PDZRN4: variants seen among roughly 807,000 people sequenced by gnomAD.
PDZRN4 encodes the protein PDZ domain containing ring finger 4.
In PDZRN4, 70 loss-of-function variants were observed where a neutral mutation model predicts 99.0. That is an observed-to-expected ratio of 0.71 (90% CI 0.58 to 0.86). PDZRN4 has a LOEUF of 0.86. Ranked by LOEUF, PDZRN4 falls within the 40% of genes least tolerant of loss-of-function variation. The probability of loss-of-function intolerance (pLI) is 0.00; values close to 1 mark genes in which losing one functional copy is unlikely to be tolerated. For synonymous variants in PDZRN4, 551 were observed against 501.6 expected, an observed-to-expected ratio of 1.10 and a Z score of -1.32; for missense variants, 1,474 against 1,331.2, an observed-to-expected ratio of 1.11 and a Z score of -1.67.
intron 3 of PDZRN4, among the ~76,000 whole-genome samples, chr12:41,264,765 T>C (rs1951265253): frequency 6.6e-6 from 1 of 152,208 alleles, no homozygotes; most frequent in Admixed American, 6.5e-5. Flanking sequence ...AATTGTATTG[T>C]AGAAAACCTT....
intron 3 of PDZRN4, among the ~76,000 whole-genome samples, chr12:41,256,582 T>A (rs1432549044): frequency 6.6e-6 from 1 of 152,218 alleles, no homozygotes; most frequent in Non-Finnish European, 1.5e-5. Flanking sequence ...CTTTTAGGGC[T>A]TCCAGAACTG....
At chr12:41,190,397 A>T (rs1218315888) in intron 1 of PDZRN4, among the ~76,000 whole-genome samples, 1 of 152,242 alleles carries the variant, frequency 6.6e-6, no homozygotes, top group African/African-American at 2.4e-5. Context: ...AAAAGCACAG[A>T]TAGAAGCTTT....
rs10522706 is a variant in PDZRN4 at position 41,360,939 on chromosome 12, A to AGTGTGT, written c.844-145484_844-145479dup. On this transcript the variant is annotated intron_variant, in intron 3 of 9. Transcript: ENST00000402685. Reference sequence around the variant, plus strand: ...ATTTATCATTCCAAAGAATAAGTAAAGTGTGTGTGTGTGTGTGTGTGTGTG... The same window carrying AGTGTGT: ...ATTTATCATTCCAAAGAATAAGTAAAGTGTGTGTGTGTGTGTGTGTGTGTGTGTGTG... 6.7e-3 allele frequency among the ~76,000 whole-genome samples: 1,015 copies of AGTGTGT among 150,492 alleles called. 8 individuals are homozygous for AGTGTGT. The highest frequency in any genetic ancestry group is 0.01 in the Middle Eastern group (3 of 292).
intron 5 of PDZRN4, among the ~76,000 whole-genome samples, chr12:41,534,416 G>T (rs1938714897): frequency 1.3e-5 from 2 of 152,108 alleles, no homozygotes. Context: ...GGATGGATTA[G>T]CTATTTTTCC....
At chr12:41,235,675 G>T (rs1035387375) in intron 3 of PDZRN4, among the ~76,000 whole-genome samples, 7 of 152,104 alleles carry the variant, frequency 4.6e-5, no homozygotes, top group African/African-American at 1.7e-4. Flanking sequence ...TTTAAATGCT[G>T]GTTTGAAAAT....
intron 3 of PDZRN4, among the ~76,000 whole-genome samples, chr12:41,258,213 A>G (rs993300774): frequency 2.6e-5 from 4 of 152,174 alleles, no homozygotes; most frequent in African/African-American, 4.8e-5. Flanking sequence ...TGTGTTGTAA[A>G]TTGTAAATTT....
intron 3 of PDZRN4, among the ~76,000 whole-genome samples, chr12:41,399,602 G>A (rs895820247): frequency 6.6e-6 from 1 of 152,152 alleles, no homozygotes; most frequent in South Asian, 2.1e-4. Flanking sequence ...TAGGCATGGT[G>A]GTGGGTGCCT....
rs573152690 is a variant in PDZRN4 at position 41,405,498 on chromosome 12, A to G, written c.844-100958A>G. ...AACGAAATGCTTACACACTACTGGTATGAATGTAAATCAGTTCAGCCACTG... is the reference window on the plus strand; with the variant it reads ...AACGAAATGCTTACACACTACTGGTGTGAATGTAAATCAGTTCAGCCACTG... On this transcript the variant is annotated intron_variant, in intron 3 of 9. Coordinates refer to ENST00000402685, the MANE Select transcript of PDZRN4 (RefSeq NM_001164595.2). Among the ~76,000 whole-genome samples the G allele has an allele frequency of 9.8e-5, 15 of 152,290 alleles. No individual in the cohort carries two copies. In the South Asian group the frequency reaches 3.1e-3, roughly 32 times the overall value.
intron 3 of PDZRN4, among the ~76,000 whole-genome samples, chr12:41,410,560 T>A (rs1952390111): frequency 6.6e-6 from 1 of 152,220 alleles, no homozygotes; most frequent in African/African-American, 2.4e-5. Context: ...TATATTATAT[T>A]CACAGTTTAG....
At chr12:41,528,077 A>C (rs1339897028) in intron 5 of PDZRN4, among the ~76,000 whole-genome samples, 1 of 152,222 alleles carries the variant, frequency 6.6e-6, no homozygotes, top group East Asian at 1.9e-4. Context: ...AAGGGTAGTA[A>C]ATTCTGTGAA....
rs77660277 is a variant in PDZRN4 at position 41,474,613 on chromosome 12, G to A, written c.844-31843G>A. On this transcript the variant is annotated intron_variant, in intron 3 of 9. Transcript: ENST00000402685. ...ATAGCTGTGAAACTGGGGATCTCAG[G>A]GACACTAAAGGTTTTGAGCAGGATA... Among the ~76,000 whole-genome samples, 1,030 of 152,244 alleles carry A rather than the reference G, an allele frequency of 6.8e-3. 15 individuals carry two copies. Among genetic ancestry groups the A allele is most frequent in the African/African-American group, 0.023 (946 of 41,540 alleles).
intron 3 of PDZRN4, among the ~76,000 whole-genome samples, chr12:41,203,435 T>C (rs1950829693): frequency 1.3e-5 from 2 of 152,036 alleles, no homozygotes; most frequent in African/African-American, 4.8e-5. Flanking sequence ...TTAGGAAGAA[T>C]GCCATGAGTC....
intron 3 of PDZRN4, among the ~76,000 whole-genome samples, chr12:41,445,102 T>G (rs1168771995): frequency 6.6e-6 from 1 of 152,042 alleles, no homozygotes; most frequent in Non-Finnish European, 1.5e-5. Context: ...GGCAGCCATT[T>G]CTAATTGCAT....
At chr12:41,491,682 A>T (rs1191938467) in intron 3 of PDZRN4, among the ~76,000 whole-genome samples, 1 of 152,146 alleles carries the variant, frequency 6.6e-6, no homozygotes, top group African/African-American at 2.4e-5. Flanking sequence ...TAAAAAAGAC[A>T]AGACTATCTT....
At chr12:41,384,177 T>A (rs1952148405) in intron 3 of PDZRN4, among the ~76,000 whole-genome samples, 1 of 152,028 alleles carries the variant, frequency 6.6e-6, no homozygotes, top group Non-Finnish European at 1.5e-5. Context: ...AGGCTGCTAA[T>A]TCATTTATTA....
intron 3 of PDZRN4, among the ~76,000 whole-genome samples, chr12:41,440,104 G>A (rs1952665813): frequency 6.6e-6 from 1 of 152,068 alleles, no homozygotes; most frequent in Non-Finnish European, 1.5e-5. Flanking sequence ...CATAAGAGAG[G>A]ATACTATTTA....
At chr12:41,216,441 T>C (rs1055858744) in intron 3 of PDZRN4, among the ~76,000 whole-genome samples, 1 of 151,988 alleles carries the variant, frequency 6.6e-6, no homozygotes, top group Non-Finnish European at 1.5e-5. Flanking sequence ...TTTTAGAAGC[T>C]TGTGTTTCAA....
chr12:41,204,027 A>G (rs1950833057), intron 3 of PDZRN4, among the ~76,000 whole-genome samples: 1 of 147,262 alleles, frequency 6.8e-6, no homozygotes, highest in African/African-American at 2.5e-5. Flanking sequence ...TTGTCCATAT[A>G]TGAAGTAGTA....
chr12:41,270,291 G>GTA (rs1388396695), intron 3 of PDZRN4, among the ~76,000 whole-genome samples: 2 of 149,384 alleles, frequency 1.3e-5, no homozygotes, highest in Non-Finnish European at 3.0e-5. Flanking sequence ...TGTGTGGTGT[G>GTA]TGTGTGTGTC....
Sources: allele counts gnomAD v4.1 joint callset (sites outside exome capture counted in the v4.1 genomes callset), GRCh38; gene constraint gnomAD v4.1.1; transcripts MANE v1.5; gene names NCBI Gene and HGNC (gene_info 2026-07-23, HGNC 2026-07-21).